Variants in ULK4 observed in about 807,000 individuals in gnomAD.
ULK4 encodes the protein unc-51 like kinase 4, also known as inactive serine/threonine-protein kinase ULK4.
ULK4 carries 133 observed loss-of-function variants against 160.6 expected under a neutral mutation model. That is an observed-to-expected ratio of 0.83 (90% CI 0.72 to 0.96). The LOEUF (loss-of-function observed/expected upper bound fraction) is 0.96. Among genes scored for constraint, ULK4 ranks in the 40% least tolerant of loss-of-function variants. ULK4 has a pLI of 0.00. For missense variants in ULK4, 1,580 were observed against 1,499.5 expected, an observed-to-expected ratio of 1.05 and a Z score of -0.89; for synonymous variants, 534 against 539.8, an observed-to-expected ratio of 0.99 and a Z score of 0.15.
intron 21 of ULK4, among the ~76,000 whole-genome samples, chr3:41,774,686 C>T (rs1474139146): frequency 6.7e-6 from 1 of 149,990 alleles, no homozygotes; most frequent in Non-Finnish European, 1.5e-5. Context: ...GGATCTAGAA[C>T]TAGAAATACC....
chr3:41,359,517 T>C (rs1319023522), intron 35 of ULK4, among the ~76,000 whole-genome samples: 1 of 152,132 alleles, frequency 6.6e-6, no homozygotes, highest in East Asian at 1.9e-4. Context: ...GGAGAGAGTG[T>C]TCCTGAAGCA....
At chr3:41,760,998 A>T (rs1413934498) in intron 21 of ULK4, among the ~76,000 whole-genome samples, 8 of 152,262 alleles carry the variant, frequency 5.3e-5, no homozygotes, top group African/African-American at 1.7e-4. Context: ...AGCTGCAAAG[A>T]TTATATGCAG....
chr3:41,408,427 CAAAAAA>C (rs59444673), intron 34 of ULK4, among the ~76,000 whole-genome samples: 2,419 of 43,988 alleles, frequency 0.055, 61 homozygotes, highest in African/African-American at 0.15. Context: ...GACTCCATCT[CAAAAAA>C]AAAAAAAAAA....
At chr3:41,521,606 G>T (rs1483938982) in intron 32 of ULK4, among the ~76,000 whole-genome samples, 4 of 152,184 alleles carry the variant, frequency 2.6e-5, no homozygotes, top group Non-Finnish European at 5.9e-5. Flanking sequence ...AGGTGATACA[G>T]TCTTGAAATC....
intron 32 of ULK4, among the ~76,000 whole-genome samples, chr3:41,467,685 C>T (rs943968582): frequency 4.0e-5 from 6 of 151,216 alleles, no homozygotes; most frequent in Admixed American, 3.9e-4. Flanking sequence ...AAAAAAAATG[C>T]TGACAGACAG....
chr3:41,828,336 T>C (rs551768226), intron 18 of ULK4, among the ~76,000 whole-genome samples: 9 of 149,898 alleles, frequency 6.0e-5, no homozygotes, highest in African/African-American at 2.2e-4. Context: ...GGGCATTCAA[T>C]TAGGAAAACA....
At chr3:41,888,062 T>C (rs1157953561) in intron 16 of ULK4, among the ~76,000 whole-genome samples, 2 of 151,888 alleles carry the variant, frequency 1.3e-5, no homozygotes, top group Non-Finnish European at 2.9e-5. Context: ...TGTAGTCCCA[T>C]TCCAGCCTCG....
chr3:41,574,808 A>C (rs532336937), intron 31 of ULK4, among the ~76,000 whole-genome samples: 1 of 152,174 alleles, frequency 6.6e-6, no homozygotes, highest in African/African-American at 2.4e-5. Flanking sequence ...GGCCTCCCAA[A>C]GTGCTGGGAT....
chr3:41,961,386 G>T (rs1439707760), intron 1 of ULK4, among the ~76,000 whole-genome samples: 1 of 152,174 alleles, frequency 6.6e-6, no homozygotes, highest in African/African-American at 2.4e-5. Context: ...GTTACTACAC[G>T]CCCTGGGGTG....
chr3:41,320,864 CCAAGATCGCGCCA>C (rs2080231937), intron 35 of ULK4, among the ~76,000 whole-genome samples: 1 of 152,148 alleles, frequency 6.6e-6, no homozygotes, highest in African/African-American at 2.4e-5. Flanking sequence ...TTGCAGTGAG[CCAAGATCGCGCCA>C]CTGCACTCCA....
intron 35 of ULK4, among the ~76,000 whole-genome samples, chr3:41,386,586 C>A (rs1026591857): frequency 3.8e-4 from 58 of 152,050 alleles, no homozygotes; most frequent in African/African-American, 1.4e-3. Flanking sequence ...CTTTTTTGAC[C>A]CTTTGCGTTC....
rs2040280062 is a variant in ULK4, at chr3:41,795,577, T to C, written c.2010+4555A>G. 2.6e-5 allele frequency among the ~76,000 whole-genome samples: 4 copies of C among 152,192 alleles called. No homozygotes were observed. In the South Asian group the frequency reaches 8.3e-4, roughly 31 times the overall value. On this transcript the variant is annotated intron_variant, in intron 20 of 36. Coordinates refer to ENST00000301831, the MANE Select transcript of ULK4 (RefSeq NM_017886.4). ...GACATTATAATAAAATAAACATAAC[T>C]AATTTACTAAGCAAAATGTGCTGCT... is the stretch of plus-strand genomic sequence containing the variant.
intron 31 of ULK4, among the ~76,000 whole-genome samples, chr3:41,600,727 C>A (rs1237180041): frequency 2.6e-5 from 4 of 152,238 alleles, no homozygotes; most frequent in African/African-American, 9.6e-5. Flanking sequence ...GGATTTACAT[C>A]TGCCTCCACA....
chr3:41,602,399 G>A (rs946171370), intron 31 of ULK4, among the ~76,000 whole-genome samples: 1 of 151,250 alleles, frequency 6.6e-6, no homozygotes, highest in African/African-American at 2.4e-5. Flanking sequence ...AATTGGAAGG[G>A]GGAAGGGAAG....
chr3:41,572,697 C>A (rs1481739544), intron 31 of ULK4, among the ~76,000 whole-genome samples: 1 of 148,328 alleles, frequency 6.7e-6, no homozygotes, highest in East Asian at 2.0e-4. Flanking sequence ...ACCCAGGAGG[C>A]GGAGCTTGCA....
chr3:41,575,488 G>C (rs1051676487), intron 31 of ULK4, among the ~76,000 whole-genome samples: 3 of 152,184 alleles, frequency 2.0e-5, no homozygotes, highest in Non-Finnish European at 4.4e-5. Flanking sequence ...CTCACCCCAG[G>C]AGTCTGGAGG....
At chr3:41,858,529 T>G (rs1314293774) in intron 17 of ULK4, among the ~76,000 whole-genome samples, 1 of 121,936 alleles carries the variant, frequency 8.2e-6, no homozygotes, top group South Asian at 2.5e-4. Context: ...TTTTTTTTTT[T>G]GAAACCAGGC....
intron 34 of ULK4, among the ~76,000 whole-genome samples, chr3:41,428,134 A>G (rs1484738550): frequency 6.8e-6 from 1 of 147,848 alleles, no homozygotes; most frequent in Non-Finnish European, 1.5e-5. Context: ...ACAGGCAAGT[A>G]GACAACCAAA....
At chr3:41,758,409 T>A (rs929866760) in intron 21 of ULK4, among the ~76,000 whole-genome samples, 1 of 151,948 alleles carries the variant, frequency 6.6e-6, no homozygotes, top group African/African-American at 2.4e-5. Flanking sequence ...TTTATAGACA[T>A]CAAAAAGGTC....
Sources: gnomAD v4.1 joint callset for allele counts (sites outside exome capture counted in the v4.1 genomes callset) on GRCh38, gnomAD v4.1.1 for gene constraint, MANE v1.5 for transcripts, NCBI Gene and HGNC (gene_info 2026-07-23, HGNC 2026-07-21) for gene names.